The following DAB1 variants were observed in gnomAD, a reference collection of about 807,000 sequenced individuals.
DAB1 encodes the protein disabled homolog 1.
In DAB1, 15 loss-of-function variants were observed where a neutral mutation model predicts 64.6. The ratio of observed to expected loss-of-function variants is 0.23; its 90% CI spans 0.16 to 0.36. The LOEUF (loss-of-function observed/expected upper bound fraction) is 0.36, where lower values mean the gene tolerates loss of function less well. Among genes scored for constraint, DAB1 ranks in the 10% least tolerant of loss-of-function variants. The probability of loss-of-function intolerance (pLI) is 1.00; values close to 1 mark genes in which losing one functional copy is unlikely to be tolerated. For missense variants in DAB1, 596 were observed against 706.7 expected, an observed-to-expected ratio of 0.84 and a Z score of 1.78; for synonymous variants, 235 against 251.9, an observed-to-expected ratio of 0.93 and a Z score of 0.64.
At chr1:57,764,848 T>C (rs1371832911) in intron 6 of DAB1, among the ~76,000 whole-genome samples, 1 of 117,178 alleles carries the variant, frequency 8.5e-6, no homozygotes, top group East Asian at 2.4e-4. Flanking sequence ...CATCTGTAGT[T>C]AACATAAAGA....
chr1:58,412,923 C>T (rs1313273895), intron 3 of DAB1, among the ~76,000 whole-genome samples: 1 of 152,204 alleles, frequency 6.6e-6, no homozygotes, highest in Non-Finnish European at 1.5e-5. Context: ...ATGAATGTTA[C>T]ATGCTTTGTA....
intron 5 of DAB1, among the ~76,000 whole-genome samples, chr1:58,003,193 T>C (rs530283402): frequency 6.6e-6 from 1 of 152,322 alleles, no homozygotes; most frequent in South Asian, 2.1e-4. Flanking sequence ...TGACAATGGA[T>C]GGCCCAGTCA....
At chr1:58,068,239 G>A (rs536288179) in intron 5 of DAB1, among the ~76,000 whole-genome samples, 306 of 152,364 alleles carry the variant, frequency 2.0e-3, no homozygotes, top group Non-Finnish European at 3.1e-3. Flanking sequence ...TGGGTGGAAG[G>A]TTGCAGGAGA....
chr1:57,835,402 CTT>C (rs1652765891), intron 1 of DAB1, among the ~76,000 whole-genome samples: 1 of 152,170 alleles, frequency 6.6e-6, no homozygotes, highest in African/African-American at 2.4e-5. Flanking sequence ...AAATTGAACA[CTT>C]TTTCCAATGT....
chr1:57,761,646 C>G (rs538189739), intron 6 of DAB1, among the ~76,000 whole-genome samples: 1 of 152,208 alleles, frequency 6.6e-6, no homozygotes, highest in Non-Finnish European at 1.5e-5. Flanking sequence ...TACGAGCAGC[C>G]CAGCTGCGAA....
At chr1:57,252,554 C>G (rs1278760838) in intron 2 of DAB1, among the ~76,000 whole-genome samples, 1 of 152,140 alleles carries the variant, frequency 6.6e-6, no homozygotes, top group Admixed American at 6.5e-5. Flanking sequence ...ACCCAACAAA[C>G]AGTTAATTTG....
chr1:57,391,138 C>T (rs1479708143), intron 1 of DAB1, among the ~76,000 whole-genome samples: 3 of 152,274 alleles, frequency 2.0e-5, no homozygotes, highest in East Asian at 3.9e-4. Flanking sequence ...AGCACAGTGC[C>T]GCCCTAACTC....
At chr1:57,067,089 A>G (rs910400650) in intron 8 of DAB1, among the ~76,000 whole-genome samples, 1 of 152,188 alleles carries the variant, frequency 6.6e-6, no homozygotes, top group African/African-American at 2.4e-5. Flanking sequence ...CTTATCTCTT[A>G]TTAAGTAAAT....
intron 3 of DAB1, among the ~76,000 whole-genome samples, chr1:58,355,606 C>G (rs1183723176): frequency 6.6e-6 from 1 of 152,038 alleles, no homozygotes; most frequent in African/African-American, 2.4e-5. Context: ...TTTCCTTCCA[C>G]TCCTTTCCTG....
intron 2 of DAB1, among the ~76,000 whole-genome samples, chr1:57,178,253 C>A (rs1379822637): frequency 6.7e-6 from 1 of 150,370 alleles, no homozygotes; most frequent in Non-Finnish European, 1.5e-5. Context: ...TCTGACCCAG[C>A]AATTCCATCC....
At chr1:57,077,740 A>G (rs1477678381) in intron 4 of DAB1, among the ~76,000 whole-genome samples, 1 of 152,126 alleles carries the variant, frequency 6.6e-6, no homozygotes, top group Non-Finnish European at 1.5e-5. Flanking sequence ...AATTAAATAC[A>G]GTATGGATTA....
intron 7 of DAB1, among the ~76,000 whole-genome samples, chr1:57,583,786 T>C (rs1417761): frequency 0.96 from 146,146 of 152,286 alleles, 70,387 homozygotes; most frequent in East Asian, 1. Flanking sequence ...GGTGGAAAAA[T>C]GAATCTTGTC....
chr1:57,608,811 C>G (rs945375985), intron 7 of DAB1, among the ~76,000 whole-genome samples: 1 of 152,086 alleles, frequency 6.6e-6, no homozygotes, highest in African/African-American at 2.4e-5. Flanking sequence ...TTCTTAACCC[C>G]TACATTCTAG....
At chr1:57,098,080 A>T (rs1654338494) in intron 4 of DAB1, among the ~76,000 whole-genome samples, 2 of 152,312 alleles carry the variant, frequency 1.3e-5, no homozygotes, top group Non-Finnish European at 2.9e-5. Flanking sequence ...CCCAGCAGGA[A>T]CTTTATTTAT....
At chr1:57,142,222 A>G (rs1390066732) in intron 3 of DAB1, among the ~76,000 whole-genome samples, 1 of 152,164 alleles carries the variant, frequency 6.6e-6, no homozygotes, top group African/African-American at 2.4e-5. Context: ...TCTCTAATGC[A>G]AGAACACGCA....
intron 4 of DAB1, among the ~76,000 whole-genome samples, chr1:57,116,796 T>C (rs995696180): frequency 2.6e-5 from 4 of 152,224 alleles, no homozygotes; most frequent in South Asian, 2.1e-4. Flanking sequence ...CCTTGAAATA[T>C]ACAGCAGGAG....
At chr1:57,640,021 C>T (rs1042580941) in intron 7 of DAB1, among the ~76,000 whole-genome samples, 10 of 152,146 alleles carry the variant, frequency 6.6e-5, no homozygotes, top group South Asian at 4.1e-4. Context: ...TTGGTTTCAG[C>T]GGTTCCATCA....
chr1:57,644,380 T>C (rs12125360), intron 7 of DAB1, among the ~76,000 whole-genome samples: 37,331 of 152,034 alleles, frequency 0.25, 4,935 homozygotes, highest in Admixed American at 0.34. Flanking sequence ...TTTTGCTGTA[T>C]TACAGAAAAG....
chr1:57,430,567 C>T (rs1355175189), intron 7 of DAB1, among the ~76,000 whole-genome samples: 3 of 151,834 alleles, frequency 2.0e-5, no homozygotes, highest in African/African-American at 7.3e-5. Context: ...TTAGCAGAGA[C>T]GGGGTTTCAC....
Sources: gnomAD v4.1 joint callset for allele counts (sites outside exome capture counted in the v4.1 genomes callset) on GRCh38, gnomAD v4.1.1 for gene constraint, MANE v1.5 for transcripts, NCBI Gene and HGNC (gene_info 2026-07-23, HGNC 2026-07-21) for gene names.